Variants in PRKACB observed in about 807,000 individuals in gnomAD.
The protein encoded by PRKACB is cAMP-dependent protein kinase catalytic subunit beta.
PRKACB carries 16 observed loss-of-function variants against 51.4 expected under a neutral mutation model. That is an observed-to-expected ratio of 0.31 (90% confidence interval 0.21 to 0.47). PRKACB has a LOEUF of 0.47. Ranked by LOEUF, PRKACB falls within the 20% of genes least tolerant of loss-of-function variation. The probability of loss-of-function intolerance (pLI) is 1.00; values close to 1 mark genes in which losing one functional copy is unlikely to be tolerated. For missense variants in PRKACB, 309 were observed against 464.5 expected (o/e 0.67, Z 3.08); for synonymous variants, 147 against 154.4 (o/e 0.95, Z 0.35).
intron 3 of PRKACB, 150 bp from the exon 4 acceptor site, chr1:84,183,887 C>A: frequency 5.1e-6 from 4 of 784,460 alleles, no homozygotes; most frequent in Non-Finnish European, 7.3e-6. Flanking sequence ...TATGCACCAA[C>A]CTAAAAGTTG....
At chr1:84,182,394 A>T in intron 3 of PRKACB, 66 bp downstream of exon 3, 1 of 1,266,668 alleles carries the variant, frequency 7.9e-7, no homozygotes, top group Non-Finnish European at 1.0e-6. Flanking sequence ...ACTATTAAAC[A>T]GATTCAGTAT....
intron 9 of PRKACB, among the ~76,000 whole-genome samples, chr1:84,224,386 C>T (rs185780150): frequency 1.3e-5 from 2 of 152,314 alleles, no homozygotes; most frequent in East Asian, 3.9e-4. Flanking sequence ...GTGGCATAAG[C>T]GATTGTAATA....
intron 9 of PRKACB, 144 bp downstream of exon 9, chr1:84,214,461 C>A: frequency 6.4e-6 from 5 of 786,888 alleles, no homozygotes; most frequent in Non-Finnish European, 9.0e-6. Flanking sequence ...TACTTTACAG[C>A]CCATAACTTA....
Position 84,235,317 on chromosome 1 carries a change from A to G in PRKACB, c.*12A>G, listed in dbSNP as rs1322367624. 1 of 1,613,930 alleles carries G rather than the reference A, an allele frequency of 6.2e-7. No homozygotes were observed. The highest frequency in any genetic ancestry group is 8.5e-7 in the Non-Finnish European group (1 of 1,179,878). ...TTGGTGAATTTTAAAGAGGAACAAG[A>G]TGACATCTGAGCTCACACTCAGTGT... On this transcript the variant is annotated 3_prime_UTR_variant, in exon 10 of 10. Coordinates refer to ENST00000370685, the MANE Select transcript of PRKACB (RefSeq NM_182948.4).
At chr1:84,182,395 G>T in intron 3 of PRKACB, 67 bp downstream of exon 3, 1 of 1,260,090 alleles carries the variant, frequency 7.9e-7, no homozygotes, top group Non-Finnish European at 1.0e-6. Context: ...CTATTAAACA[G>T]ATTCAGTATA....
intron 1 of PRKACB, among the ~76,000 whole-genome samples, chr1:84,100,463 T>C (rs1032568533): frequency 6.6e-6 from 1 of 152,186 alleles, no homozygotes; most frequent in Non-Finnish European, 1.5e-5. Flanking sequence ...AAAACTTTAA[T>C]AATTATAAAA....
intron 1 of PRKACB, among the ~76,000 whole-genome samples, chr1:84,157,043 T>G (rs1001836008): frequency 1.3e-5 from 2 of 152,178 alleles, no homozygotes; most frequent in Non-Finnish European, 2.9e-5. Context: ...TATTCCTACT[T>G]GTAAGCCACA....
chr1:84,173,230 C>A, intron 1 of PRKACB: 1 of 734,712 alleles, frequency 1.4e-6, no homozygotes, highest in African/African-American at 1.8e-5. Context: ...CATTCTATTT[C>A]TATGTGCAGT....
At chr1:84,190,187 G>A (rs58384983) in intron 5 of PRKACB, among the ~76,000 whole-genome samples, 2,041 of 151,858 alleles carry the variant, frequency 0.013, 57 homozygotes, top group African/African-American at 0.045. Context: ...TAGAACTTAA[G>A]AACCCAATAA....
chr1:84,214,023 GT>G (rs1672515489), intron 8 of PRKACB, 129 bp from the exon 9 acceptor site: 1 of 890,122 alleles, frequency 1.1e-6, no homozygotes, highest in African/African-American at 1.7e-5. Flanking sequence ...TTAAAAGTAT[GT>G]GAAGGTCATC....
chr1:84,228,596 G>A (rs937104957), intron 9 of PRKACB, among the ~76,000 whole-genome samples: 6 of 151,900 alleles, frequency 3.9e-5, no homozygotes, highest in South Asian at 2.1e-4. Context: ...GACCATATTC[G>A]AAGTAGTGGG....
At chr1:84,132,476 A>G (rs894034762) in intron 1 of PRKACB, among the ~76,000 whole-genome samples, 6 of 152,214 alleles carry the variant, frequency 3.9e-5, no homozygotes, top group African/African-American at 1.4e-4. Flanking sequence ...TGAACTTTCA[A>G]CAAAAAAAAT....
chr1:84,099,549 C>G (rs953259802), intron 1 of PRKACB, among the ~76,000 whole-genome samples: 2 of 151,694 alleles, frequency 1.3e-5, no homozygotes, highest in Non-Finnish European at 2.9e-5. Context: ...AATTGTTCCC[C>G]CCCCTTTTTT....
At chr1:84,201,162 A>G (rs1669995749) in intron 7 of PRKACB, among the ~76,000 whole-genome samples, 3 of 152,110 alleles carry the variant, frequency 2.0e-5, no homozygotes, top group Admixed American at 2.0e-4. Context: ...ATGCCATTTT[A>G]CACTTCTACC....
At chr1:84,078,282 G>C (rs1647243909) in exon 1 of PRKACB, 1 of 1,565,292 alleles carries the variant, frequency 6.4e-7, no homozygotes, top group Non-Finnish European at 8.7e-7. Context: ...CACGGCCCCA[G>C]CCCCCCTTCC....
chr1:84,220,931 G>C (rs1410885760), intron 9 of PRKACB, among the ~76,000 whole-genome samples: 1 of 152,196 alleles, frequency 6.6e-6, no homozygotes, highest in Non-Finnish European at 1.5e-5. Flanking sequence ...GTCTGGTTTT[G>C]TATCAGAGTA....
chr1:84,109,110 G>A (rs1480244741), intron 1 of PRKACB, among the ~76,000 whole-genome samples: 1 of 151,892 alleles, frequency 6.6e-6, no homozygotes, highest in African/African-American at 2.4e-5. Flanking sequence ...GCTGTATAAT[G>A]TTCCATTGTG....
chr1:84,217,348 C>T (rs961075139), intron 9 of PRKACB, among the ~76,000 whole-genome samples: 6 of 151,908 alleles, frequency 3.9e-5, no homozygotes, highest in African/African-American at 1.5e-4. Flanking sequence ...TCCCTGTGCC[C>T]TTCATCACTG....
At chr1:84,183,927 C>T in intron 3 of PRKACB, 110 bp from the exon 4 acceptor site, 1 of 1,144,930 alleles carries the variant, frequency 8.7e-7, no homozygotes, top group Admixed American at 3.3e-5. Context: ...TTATCCAATT[C>T]TAACAATTTT....
Sources: gnomAD v4.1 joint callset for allele counts (sites outside exome capture counted in the v4.1 genomes callset) on GRCh38, gnomAD v4.1.1 for gene constraint, MANE v1.5 for transcripts, NCBI Gene and HGNC (gene_info 2026-07-23, HGNC 2026-07-21) for gene names.